Variants in GNAQ observed in about 807,000 individuals in gnomAD.
The protein encoded by GNAQ is guanine nucleotide-binding protein G(q) subunit alpha.
Under a neutral mutation model 43.9 loss-of-function variants are expected in GNAQ, and 8 were observed. The observed-to-expected ratio is 0.18, with a 90% CI of 0.11 to 0.33. GNAQ has a LOEUF of 0.33. Ranked by LOEUF, GNAQ falls within the 10% of genes least tolerant of loss-of-function variation. GNAQ has a pLI of 1.00. For synonymous variants in GNAQ, 155 were observed against 170.7 expected (o/e 0.91, Z 0.71); for missense variants, 158 against 450.8 (o/e 0.35, Z 5.88).
chr9:77,759,329 C>A (rs893121564), intron 5 of GNAQ, among the ~76,000 whole-genome samples: 4 of 152,100 alleles, frequency 2.6e-5, no homozygotes, highest in Non-Finnish European at 5.9e-5. Context: ...AATTAGAAAA[C>A]AGCTGGATGT....
chr9:78,004,028 A>C (rs1418893734), intron 1 of GNAQ, among the ~76,000 whole-genome samples: 1 of 152,056 alleles, frequency 6.6e-6, no homozygotes, highest in Non-Finnish European at 1.5e-5. Flanking sequence ...AATGTGTATA[A>C]ATCATCACAA....
intron 2 of GNAQ, among the ~76,000 whole-genome samples, chr9:77,880,740 A>G (rs1275372537): frequency 2.6e-5 from 4 of 152,140 alleles, no homozygotes; most frequent in Non-Finnish European, 5.9e-5. Context: ...TCCTTCTGGA[A>G]CAACTCATTT....
At chr9:77,946,842 T>C (rs965087597) in intron 1 of GNAQ, among the ~76,000 whole-genome samples, 1 of 152,204 alleles carries the variant, frequency 6.6e-6, no homozygotes, top group African/African-American at 2.4e-5. Context: ...TTTCTTCATC[T>C]GCAAAATGAG....
intron 2 of GNAQ, among the ~76,000 whole-genome samples, chr9:77,845,693 A>G (rs781576145): frequency 2.0e-5 from 3 of 152,216 alleles, no homozygotes; most frequent in African/African-American, 4.8e-5. Flanking sequence ...AAACACTGAA[A>G]GCAGCAAAGA....
At chr9:77,826,127 T>G (rs539648483) in intron 2 of GNAQ, among the ~76,000 whole-genome samples, 7 of 152,192 alleles carry the variant, frequency 4.6e-5, no homozygotes, top group Non-Finnish European at 1.0e-4. Flanking sequence ...CTTCCCACTA[T>G]TGTCAAGAAT....
chr9:77,737,070 C>T (rs1481013255), intron 5 of GNAQ, among the ~76,000 whole-genome samples: 1 of 152,178 alleles, frequency 6.6e-6, no homozygotes, highest in Non-Finnish European at 1.5e-5. Context: ...ATAAGGGTTA[C>T]TTACTGAGCT....
chr9:77,735,981 G>T (rs1411977781), intron 5 of GNAQ, among the ~76,000 whole-genome samples: 1 of 152,182 alleles, frequency 6.6e-6, no homozygotes, highest in East Asian at 1.9e-4. Context: ...GCACACAGTA[G>T]CCTTCTATCA....
chr9:77,907,895 A>G (rs188802477), intron 2 of GNAQ, among the ~76,000 whole-genome samples: 165 of 152,282 alleles, frequency 1.1e-3, no homozygotes, highest in African/African-American at 3.8e-3. Flanking sequence ...CTTTTGCACA[A>G]GAAAATTAAA....
At chr9:77,914,821 T>C (rs1355621319) in intron 2 of GNAQ, among the ~76,000 whole-genome samples, 1 of 127,748 alleles carries the variant, frequency 7.8e-6, no homozygotes. Flanking sequence ...ATTTTACTTT[T>C]GAACACCAAA....
At chr9:77,937,446 T>TAAAC (rs755484612) in intron 1 of GNAQ, among the ~76,000 whole-genome samples, 1 of 151,880 alleles carries the variant, frequency 6.6e-6, no homozygotes, top group Non-Finnish European at 1.5e-5. Flanking sequence ...TCAAAATAAA[T>TAAAC]AAATAAATAA....
intron 5 of GNAQ, among the ~76,000 whole-genome samples, chr9:77,761,837 C>T (rs1234899784): frequency 1.8e-4 from 10 of 55,430 alleles, no homozygotes; most frequent in South Asian, 1.3e-3. Context: ...CCGCCCCGTC[C>T]GGGAGGGAGG....
intron 1 of GNAQ, among the ~76,000 whole-genome samples, chr9:77,953,383 G>T (rs1823004841): frequency 6.6e-6 from 1 of 152,174 alleles, no homozygotes; most frequent in Non-Finnish European, 1.5e-5. Flanking sequence ...CAAAGAAAAT[G>T]ATTTGTATGC....
chr9:77,847,457 C>T (rs987866525), intron 2 of GNAQ, among the ~76,000 whole-genome samples: 4 of 152,142 alleles, frequency 2.6e-5, no homozygotes, highest in Non-Finnish European at 4.4e-5. Flanking sequence ...TTAAAGACCA[C>T]GTCCTGTGGG....
chr9:78,001,175 ATCACTTGAGG>A (rs1170661004), intron 1 of GNAQ, among the ~76,000 whole-genome samples: 3 of 152,172 alleles, frequency 2.0e-5, no homozygotes, highest in African/African-American at 7.2e-5. Context: ...AGGCAGGCAG[ATCACTTGAGG>A]TCAGGAGTTA....
At chr9:77,907,507 C>T (rs1461908860) in intron 2 of GNAQ, among the ~76,000 whole-genome samples, 1 of 152,106 alleles carries the variant, frequency 6.6e-6, no homozygotes, top group African/African-American at 2.4e-5. Flanking sequence ...CTGCAAGTCC[C>T]CATAAGCAAA....
chr9:77,826,594 G>A (rs1384325176), intron 2 of GNAQ, among the ~76,000 whole-genome samples: 2 of 152,302 alleles, frequency 1.3e-5, no homozygotes, highest in Non-Finnish European at 2.9e-5. Context: ...GTTGTCAGGG[G>A]TGGTCATATG....
chr9:77,957,275 G>A (rs12552880), intron 1 of GNAQ, among the ~76,000 whole-genome samples: 57,100 of 151,840 alleles, frequency 0.38, 11,313 homozygotes, highest in Non-Finnish European at 0.44. Context: ...AGAATTGCAC[G>A]AACACGGGAG....
At position 78,007,951 on chromosome 9, in the gene GNAQ, AT is replaced by A. The variant is rs560911416; in HGVS notation, c.136+23148del. Among the ~76,000 whole-genome samples, 63 of 152,240 alleles carry A rather than the reference AT, an allele frequency of 4.1e-4. No homozygotes were observed. In the Middle Eastern group the frequency reaches 0.017, roughly 41 times the overall value. ...TTTAAACACTGGTGTGAAGGCCAAA[AT>A]TTTTTTTGGAATAATTCTCATGAGC... On this transcript the variant is annotated intron_variant, in intron 1 of 6. Transcript: ENST00000286548.
rs747826333 is a variant in GNAQ at position 77,721,311 on chromosome 9, T to C, written c.*12A>G. 1 of 1,583,450 alleles carries C rather than the reference T, an allele frequency of 6.3e-7. No individual in the cohort carries two copies. Among genetic ancestry groups the C allele is most frequent in the Middle Eastern group, 1.9e-4 (1 of 5,368 alleles). On this transcript the variant is annotated 3_prime_UTR_variant, in exon 7 of 7. Transcript: ENST00000286548. ...ACCAGGGAAGGGCAGGGCGGGTGTCTAGGAGGCACAATTAGACCAGATTGT... is the reference window on the plus strand; with the variant it reads ...ACCAGGGAAGGGCAGGGCGGGTGTCCAGGAGGCACAATTAGACCAGATTGT...
Sources: gnomAD v4.1 joint callset for allele counts (sites outside exome capture counted in the v4.1 genomes callset) on GRCh38, gnomAD v4.1.1 for gene constraint, MANE v1.5 for transcripts, NCBI Gene and HGNC (gene_info 2026-07-23, HGNC 2026-07-21) for gene names.